CFAP47: variants seen among roughly 807,000 people sequenced by gnomAD.
CFAP47 encodes cilia and flagella associated protein 47, also known as cilia- and flagella-associated protein 47.
A neutral mutation model predicts 148.1 loss-of-function variants in CFAP47; 29 were observed. That is an observed-to-expected ratio of 0.20 (90% CI 0.15 to 0.27). The LOEUF (loss-of-function observed/expected upper bound fraction) is 0.27, where lower values mean the gene tolerates loss of function less well. Among genes scored for constraint, CFAP47 ranks in the 10% least tolerant of loss-of-function variants. CFAP47 has a pLI of 1.00. For missense variants in CFAP47, 1,872 were observed against 1,697.5 expected (o/e 1.10, Z -1.81); for synonymous variants, 664 against 577.3 (o/e 1.15, Z -2.15).
At chrX:36,081,360 C>G (rs1292400621) in intron 29 of CFAP47, among the ~76,000 whole-genome samples, 1 of 110,761 alleles carries the variant, frequency 9.0e-6, no homozygotes, top group East Asian at 2.8e-4. Flanking sequence ...AATAAAAAAC[C>G]TACTAACAAA....
intron 62 of CFAP47, among the ~76,000 whole-genome samples, chrX:36,373,063 CTATT>C (rs1569330394): frequency 9.0e-6 from 1 of 111,337 alleles, no homozygotes; most frequent in East Asian, 2.8e-4. Context: ...TTACAGATTA[CTATT>C]TATTTAAAAT....
intron 22 of CFAP47, among the ~76,000 whole-genome samples, chrX:36,023,497 A>T (rs983045848): frequency 1.8e-5 from 2 of 111,671 alleles, no homozygotes; most frequent in African/African-American, 6.5e-5. Flanking sequence ...GGGCTGTACA[A>T]TCAGATGGTG....
chrX:36,027,008 T>C (rs962727745), intron 22 of CFAP47, among the ~76,000 whole-genome samples: 4 of 107,542 alleles, frequency 3.7e-5, no homozygotes, highest in Admixed American at 1.0e-4. Flanking sequence ...TGTTTCCTCT[T>C]TGAAGCTTTT....
At chrX:36,191,571 A>G (rs903017668) in intron 42 of CFAP47, among the ~76,000 whole-genome samples, 66 of 111,977 alleles carry the variant, frequency 5.9e-4, no homozygotes, top group Middle Eastern at 4.7e-3. Flanking sequence ...TTACATGAAG[A>G]AGATCTATTG....
At chrX:36,041,891 A>G (rs937422951) in intron 25 of CFAP47, among the ~76,000 whole-genome samples, 8 of 99,734 alleles carry the variant, frequency 8.0e-5, no homozygotes, top group Non-Finnish European at 1.4e-4. Flanking sequence ...GCGCCACTGC[A>G]CTCCAGCCTG....
chrX:36,011,244 T>A (rs1247007184), intron 21 of CFAP47, among the ~76,000 whole-genome samples: 1 of 112,121 alleles, frequency 8.9e-6, no homozygotes, highest in African/African-American at 3.2e-5. Flanking sequence ...TCTTTTTGGA[T>A]AGAGTGTCCT....
intron 57 of CFAP47, among the ~76,000 whole-genome samples, chrX:36,333,985 C>T (rs782462865): frequency 6.3e-5 from 7 of 111,588 alleles, no homozygotes; most frequent in Non-Finnish European, 1.1e-4. Context: ...TGTCTCTGTT[C>T]AGATAAATGT....
chrX:35,961,128 T>G (rs1936324500), intron 8 of CFAP47, among the ~76,000 whole-genome samples: 1 of 111,822 alleles, frequency 8.9e-6, no homozygotes, highest in South Asian at 3.7e-4. Flanking sequence ...TTGTCCTTTA[T>G]TCTATTAAGA....
intron 33 of CFAP47, among the ~76,000 whole-genome samples, chrX:36,118,480 A>AT (rs1938681027): frequency 1.8e-5 from 2 of 109,985 alleles, no homozygotes; most frequent in African/African-American, 3.3e-5. Flanking sequence ...TTATTTATTT[A>AT]TTTTTTTGAG....
chrX:36,086,033 CTAT>C (rs1419374376), intron 30 of CFAP47, among the ~76,000 whole-genome samples: 1 of 111,597 alleles, frequency 9.0e-6, no homozygotes, highest in African/African-American at 3.3e-5. Context: ...ATTTCTCAGA[CTAT>C]TATTAGTATC....
chrX:36,016,239 T>C (rs1261170159), intron 22 of CFAP47, among the ~76,000 whole-genome samples: 1 of 110,626 alleles, frequency 9.0e-6, no homozygotes, highest in African/African-American at 3.3e-5. Flanking sequence ...TACTAAGTCT[T>C]ATTCATTCTT....
At chrX:36,238,667 T>C (rs907151566) in intron 48 of CFAP47, among the ~76,000 whole-genome samples, 16 of 111,619 alleles carry the variant, frequency 1.4e-4, no homozygotes, top group Admixed American at 3.8e-4. Context: ...CATTAATTCC[T>C]TAACATTGGA....
intron 29 of CFAP47, among the ~76,000 whole-genome samples, chrX:36,074,114 TTTAA>T (rs1378735910): frequency 1.8e-5 from 2 of 112,166 alleles, no homozygotes; most frequent in Non-Finnish European, 3.8e-5. Context: ...TTTCAGGTTT[TTTAA>T]TTAATAGGAC....
At chrX:36,264,185 G>A (rs1940863100) in intron 49 of CFAP47, among the ~76,000 whole-genome samples, 1 of 111,735 alleles carries the variant, frequency 8.9e-6, no homozygotes, top group African/African-American at 3.3e-5. Flanking sequence ...TCAAGGGGAA[G>A]GAAGGGGTCT....
chrX:36,365,195 T>A (rs1814956552), intron 61 of CFAP47, among the ~76,000 whole-genome samples: 1 of 109,062 alleles, frequency 9.2e-6, no homozygotes, highest in South Asian at 3.9e-4. Flanking sequence ...GAGGTATAGG[T>A]TTAAAATGTA....
chrX:36,321,481 A>G (rs1941478447), intron 57 of CFAP47, among the ~76,000 whole-genome samples: 1 of 111,666 alleles, frequency 9.0e-6, no homozygotes, highest in Admixed American at 9.5e-5. Context: ...AAGTGACTAT[A>G]GTAAAAAATA....
At chrX:36,342,385 C>T (rs781887600) in intron 57 of CFAP47, among the ~76,000 whole-genome samples, 73 of 111,952 alleles carry the variant, frequency 6.5e-4, no homozygotes, top group Middle Eastern at 9.3e-3. Context: ...CGCCAGTCTG[C>T]TCCCTGGAGC....
chrX:35,950,302 T>C (rs969636397), intron 4 of CFAP47, among the ~76,000 whole-genome samples: 4 of 111,913 alleles, frequency 3.6e-5, no homozygotes, highest in Non-Finnish European at 5.6e-5. Context: ...CCAAAGAGAA[T>C]TGAAATTCAT....
chrX:36,384,538 T>C (rs1395148460), intron 63 of CFAP47, among the ~76,000 whole-genome samples: 1 of 111,718 alleles, frequency 9.0e-6, no homozygotes. Context: ...GCCAAATAGA[T>C]TGCTTTCCCT....
Sources: gnomAD v4.1 joint callset for allele counts (sites outside exome capture counted in the v4.1 genomes callset) on GRCh38, gnomAD v4.1.1 for gene constraint, MANE v1.5 for transcripts, NCBI Gene and HGNC (gene_info 2026-07-23, HGNC 2026-07-21) for gene names.